Variants in SEMA5B observed in about 807,000 individuals in gnomAD.
SEMA5B encodes semaphorin-5B.
A neutral mutation model predicts 135.0 loss-of-function variants in SEMA5B; 66 were observed. The observed-to-expected ratio is 0.49, with a 90% CI of 0.40 to 0.60. The LOEUF (loss-of-function observed/expected upper bound fraction) is 0.60, where lower values mean the gene tolerates loss of function less well. Ranked by LOEUF, SEMA5B falls within the 20% of genes least tolerant of loss-of-function variation. The probability of loss-of-function intolerance (pLI) is 0.00; values close to 1 mark genes in which losing one functional copy is unlikely to be tolerated. For synonymous variants in SEMA5B, 690 were observed against 639.5 expected, an observed-to-expected ratio of 1.08 and a Z score of -1.19; for missense variants, 1,501 against 1,566.3, an observed-to-expected ratio of 0.96 and a Z score of 0.70.
At position 122,921,997 on chromosome 3, in the gene SEMA5B, T is replaced by G; in HGVS notation, c.1606A>C (p.Ser536Arg). 6.5e-7 allele frequency: 1 copy of G among 1,531,772 alleles called. No homozygotes were observed. The highest frequency in any genetic ancestry group is 8.8e-7 in the Non-Finnish European group (1 of 1,142,726). The allele number at this position is 1,531,772 out of a possible 1,614,324, so 94.9% of individuals were successfully genotyped here. A position where few individuals can be genotyped will look rare whatever the true frequency, so the allele number is the denominator to read the frequency against. Residue 536 changes from serine (S) to arginine (R), a missense_variant, in exon 12 of 23, where the codon AGC (serine) becomes CGC (arginine). Physicochemically the swap from Ser to Arg is moderately radical, Grantham distance 110. Around this residue, in one of 2 missense-constraint regions of SEMA5B, gnomAD observed 927 missense variants for 881.6 expected, o/e 1.05. Transcript: ENST00000357599. ...AGCCCCACGAAGAGCGCGCGGGCGCTGTGCAGGATGCGCAGGCTGCGCAGG... is the reference window on the plus strand; with the variant it reads ...AGCCCCACGAAGAGCGCGCGGGCGCGGTGCAGGATGCGCAGGCTGCGCAGG... Reference protein sequence around the residue: ...EPLRSLRILHSARALFVGLRD... With the variant: ...EPLRSLRILHRARALFVGLRD...
chr3:122,943,447 G>A lies in SEMA5B; in HGVS notation c.417C>T (p.Ile139=), dbSNP rs367552115. 5.6e-6 allele frequency: 9 copies of A among 1,604,438 alleles called. No homozygotes were observed. The highest frequency in any genetic ancestry group is 1.6e-4 in the Middle Eastern group (1 of 6,068). ...CTGCCCCTTGTTACCTGGCTCCCAC[G>A]ATGAGCTGGTTCCCGGAGGGGTCCA... ...LALDPSGNQL[I]VGARNYLFRL... The change falls in exon 4 of 23, where the codon ATC becomes ATT. Residue 139 remains isoleucine (I), a synonymous_variant. Transcript: ENST00000357599.
chr3:122,912,003 T>C lies in SEMA5B; in HGVS notation c.2963A>G (p.His988Arg), dbSNP rs1479934096. Residue 988 changes from histidine to arginine, a missense_variant, in exon 20 of 23, where the codon CAC becomes CGC. Around this residue, in one of 2 missense-constraint regions of SEMA5B, gnomAD observed 927 missense variants for 881.6 expected, o/e 1.05. Coordinates refer to ENST00000357599, the MANE Select transcript of SEMA5B (RefSeq NM_001031702.4). ...TDDGAQSRSR[H>R]CEELLPGSSA... Reference sequence around the variant, plus strand: ...GGACCCTGGGAGGAGCTCCTCACAGTGCCGGCTTCGGCTCTGGGCTCCGTC... The same window carrying C: ...GGACCCTGGGAGGAGCTCCTCACAGCGCCGGCTTCGGCTCTGGGCTCCGTC... The C allele has an allele frequency of 1.9e-6, 3 of 1,613,692 alleles. No homozygotes were observed. Among genetic ancestry groups the C allele is most frequent in the Middle Eastern group, 1.7e-4 (1 of 6,054 alleles).
chr3:122,967,748 T>C (rs962583753), intron 1 of SEMA5B, among the ~76,000 whole-genome samples: 1 of 152,248 alleles, frequency 6.6e-6, no homozygotes, highest in Non-Finnish European at 1.5e-5. Context: ...GCTCAGTCAC[T>C]TGCTCAAGAA....
intron 5 of SEMA5B, among the ~76,000 whole-genome samples, chr3:122,936,800 A>T (rs1576348596): frequency 6.6e-6 from 1 of 152,048 alleles, no homozygotes; most frequent in Non-Finnish European, 1.5e-5. Flanking sequence ...CCTCCAACAC[A>T]CACACTGCCC....
chr3:122,910,739 G>C, intron 22 of SEMA5B, 101 bp downstream of exon 22: 1 of 935,706 alleles, frequency 1.1e-6, no homozygotes, highest in South Asian at 1.9e-5. Context: ...GAACCCGGGA[G>C]GCAGAGCTTG....
At chr3:123,000,525 G>C (rs772977367) in intron 1 of SEMA5B, among the ~76,000 whole-genome samples, 7 of 152,204 alleles carry the variant, frequency 4.6e-5, no homozygotes, top group Non-Finnish European at 8.8e-5. Flanking sequence ...ACTGTCCAGA[G>C]TGCCTTAGGT....
chr3:122,983,930 A>T (rs1269971931), intron 1 of SEMA5B, among the ~76,000 whole-genome samples: 1 of 152,026 alleles, frequency 6.6e-6, no homozygotes, highest in Non-Finnish European at 1.5e-5. Context: ...GGGACAGGGT[A>T]AGGGGTAGGG....
chr3:122,984,051 T>TA (rs1354137488), intron 1 of SEMA5B, among the ~76,000 whole-genome samples: 1 of 152,202 alleles, frequency 6.6e-6, no homozygotes, highest in African/African-American at 2.4e-5. Flanking sequence ...AGTAAAGAAA[T>TA]AAACAGCTAT....
rs552885826 is a variant in SEMA5B, at chr3:122,948,387, C to G, written c.328+119G>C. 4.5e-4 allele frequency: 364 copies of G among 806,488 alleles called. 4 individuals are homozygous for G. In the Admixed American group the frequency reaches 0.011, roughly 24 times the overall value. The allele number at this position is 806,488 out of a possible 1,614,324, so 50.0% of individuals were successfully genotyped here. ...AGTCTCAGGACCCCGGGACGGGACC[C>G]AGCAGTTAATGAACATCCCAAGGAC... On this transcript the variant is annotated intron_variant, in intron 3 of 22. Transcript: ENST00000357599.
chr3:122,912,392 A>G, intron 18 of SEMA5B, 50 bp from the exon 19 acceptor site: 1 of 1,481,358 alleles, frequency 6.8e-7, no homozygotes, highest in South Asian at 1.4e-5. Flanking sequence ...CCAGGGCCCA[A>G]GACGGTCTTC....
intron 9 of SEMA5B, among the ~76,000 whole-genome samples, chr3:122,926,026 A>C (rs1256511034): frequency 6.6e-6 from 1 of 152,132 alleles, no homozygotes; most frequent in Admixed American, 6.5e-5. Context: ...CATAGTCCTG[A>C]GGTTGGAAGG....
intron 12 of SEMA5B, among the ~76,000 whole-genome samples, chr3:122,916,581 A>T (rs935380329): frequency 1.3e-5 from 2 of 152,212 alleles, no homozygotes; most frequent in African/African-American, 4.8e-5. Flanking sequence ...CACACAGATC[A>T]TAGGTGGTGG....
intron 1 of SEMA5B, among the ~76,000 whole-genome samples, chr3:122,961,586 A>C (rs1940585346): frequency 2.0e-5 from 3 of 152,076 alleles, no homozygotes; most frequent in Admixed American, 2.0e-4. Flanking sequence ...CAGCCCCCCA[A>C]GTAGTTGTGA....
chr3:122,979,596 G>A (rs755159450), intron 1 of SEMA5B, among the ~76,000 whole-genome samples: 1 of 152,228 alleles, frequency 6.6e-6, no homozygotes, highest in Non-Finnish European at 1.5e-5. Flanking sequence ...CCTTAAGGGA[G>A]AGGGGGATTC....
intron 1 of SEMA5B, among the ~76,000 whole-genome samples, chr3:122,987,352 G>A (rs749842988): frequency 3.3e-5 from 5 of 152,148 alleles, no homozygotes; most frequent in African/African-American, 9.7e-5. Flanking sequence ...AGCCAGTGGC[G>A]GGCCTTTTAC....
intron 6 of SEMA5B, 123 bp from the exon 7 acceptor site, chr3:122,928,738 T>C: frequency 1.2e-6 from 1 of 803,808 alleles, no homozygotes; most frequent in South Asian, 1.7e-5. Flanking sequence ...TGACCCCAGA[T>C]CCACCTGTCC....
At chr3:122,940,364 G>C (rs1939498806) in intron 4 of SEMA5B, among the ~76,000 whole-genome samples, 1 of 152,164 alleles carries the variant, frequency 6.6e-6, no homozygotes, top group South Asian at 2.1e-4. Flanking sequence ...CTGTACAATG[G>C]GGAAGTGAAT....
chr3:123,026,598 C>T (rs1317472374), intron 1 of SEMA5B, among the ~76,000 whole-genome samples: 1 of 152,102 alleles, frequency 6.6e-6, no homozygotes, highest in African/African-American at 2.4e-5. Context: ...CGACCACTTC[C>T]CTCTTGGCTC....
At chr3:123,021,050 T>A (rs1221580882) in intron 1 of SEMA5B, among the ~76,000 whole-genome samples, 2 of 152,246 alleles carry the variant, frequency 1.3e-5, no homozygotes, top group Non-Finnish European at 2.9e-5. Flanking sequence ...CTTGCCTGTT[T>A]GGAGCTTTTA....
Sources: allele counts gnomAD v4.1 joint callset (sites outside exome capture counted in the v4.1 genomes callset), GRCh38; gene constraint gnomAD v4.1.1; regional missense constraint gnomAD v4.1.1; transcripts MANE v1.5; gene names NCBI Gene and HGNC (gene_info 2026-07-23, HGNC 2026-07-21).